The following EPB41L4A variants were observed in gnomAD, a reference collection of about 807,000 sequenced individuals.
The protein encoded by EPB41L4A is erythrocyte membrane protein band 4.1 like 4A, also known as band 4.1-like protein 4A.
Under a neutral mutation model 108.6 loss-of-function variants are expected in EPB41L4A, and 100 were observed. The observed-to-expected ratio is 0.92, with a 90% CI of 0.78 to 1.09. EPB41L4A has a LOEUF of 1.09. Among genes scored for constraint, EPB41L4A ranks in the 50% least tolerant of loss-of-function variants. The probability of loss-of-function intolerance (pLI) is 0.00; values close to 1 mark genes in which losing one functional copy is unlikely to be tolerated. For missense variants in EPB41L4A, 1,030 were observed against 842.7 expected (o/e 1.22, Z -2.75); for synonymous variants, 319 against 289.0 (o/e 1.10, Z -1.05).
chr5:112,353,251 G>A (rs60193147), intron 1 of EPB41L4A, among the ~76,000 whole-genome samples: 6,726 of 151,910 alleles, frequency 0.044, 393 homozygotes, highest in African/African-American at 0.13. Context: ...GAACCAAGCA[G>A]TGAACCAAGC....
rs903216424 is a variant in EPB41L4A at position 112,273,117 on chromosome 5, C to T, written c.335+2209G>A. Among the ~76,000 whole-genome samples, 18 of 152,278 alleles carry T rather than the reference C, an allele frequency of 1.2e-4. No individual in the cohort carries two copies. In the East Asian group the frequency reaches 3.1e-3, roughly 26 times the overall value. ...TCATGTGACTCCTCTTTTTCAGGTACATTAATGGTAATATATTCATGCAAA... is the reference window on the plus strand; with the variant it reads ...TCATGTGACTCCTCTTTTTCAGGTATATTAATGGTAATATATTCATGCAAA... On this transcript the variant is annotated intron_variant, in intron 4 of 22. Transcript: ENST00000261486.
chr5:112,382,719 A>G (rs1014316701), intron 1 of EPB41L4A, among the ~76,000 whole-genome samples: 1 of 152,130 alleles, frequency 6.6e-6, no homozygotes, highest in Admixed American at 6.5e-5. Context: ...AGGACTGCAG[A>G]AGGGGAATTA....
chr5:112,304,821 T>C (rs1423975386), intron 2 of EPB41L4A, among the ~76,000 whole-genome samples: 2 of 152,176 alleles, frequency 1.3e-5, no homozygotes, highest in Non-Finnish European at 2.9e-5. Context: ...GAAAAAGCAT[T>C]TTATTGTCAA....
At chr5:112,203,502 C>T (rs547596123) in intron 15 of EPB41L4A, among the ~76,000 whole-genome samples, 14 of 152,228 alleles carry the variant, frequency 9.2e-5, no homozygotes, top group Non-Finnish European at 1.9e-4. Context: ...ACATCTTCCT[C>T]TCTTGTACCT....
intron 18 of EPB41L4A, among the ~76,000 whole-genome samples, chr5:112,180,638 A>G (rs964147439): frequency 2.0e-5 from 3 of 147,782 alleles, no homozygotes; most frequent in African/African-American, 5.0e-5. Flanking sequence ...CCATGAGGTA[A>G]GCAAATACCC....
chr5:112,326,718 TTC>T (rs566493106), intron 1 of EPB41L4A, among the ~76,000 whole-genome samples: 4 of 152,200 alleles, frequency 2.6e-5, no homozygotes, highest in Non-Finnish European at 5.9e-5. Context: ...GCCCACTGTC[TTC>T]TGTTTTCATT....
chr5:112,341,753 A>C (rs896807178), intron 1 of EPB41L4A, among the ~76,000 whole-genome samples: 1 of 149,362 alleles, frequency 6.7e-6, no homozygotes, highest in African/African-American at 2.5e-5. Flanking sequence ...CACTATTTAA[A>C]ACACACACAC....
Position 112,419,117 on chromosome 5 carries a change from G to T in EPB41L4A, c.-78C>A. The T allele has an allele frequency of 9.1e-7, 1 of 1,099,198 alleles. No homozygotes were observed. Among genetic ancestry groups the T allele is most frequent in the Non-Finnish European group, 1.4e-6 (1 of 721,284 alleles). 68.1% of individuals were successfully genotyped at this position (1,099,198 alleles called of 1,614,324 possible). ...GCCGCCCCCTCCACTCAAGCGCGAT[G>T]CATTAATTTATTGTCCGCGCCGTGG... is the stretch of plus-strand genomic sequence containing the variant. On this transcript the variant is annotated 5_prime_UTR_variant, in exon 1 of 23. Coordinates refer to ENST00000261486, the MANE Select transcript of EPB41L4A (RefSeq NM_022140.5).
chr5:112,339,469 T>G (rs55910174), intron 1 of EPB41L4A, among the ~76,000 whole-genome samples: 6 of 58,648 alleles, frequency 1.0e-4, no homozygotes, highest in Middle Eastern at 9.6e-3. Flanking sequence ...TAGATATATA[T>G]ATATCTATAT....
chr5:112,282,214 T>C (rs191517943), intron 2 of EPB41L4A, among the ~76,000 whole-genome samples: 251 of 152,234 alleles, frequency 1.6e-3, no homozygotes, highest in Non-Finnish European at 2.7e-3. Flanking sequence ...TAGAGTAAAA[T>C]CAATCCAAAC....
intron 7 of EPB41L4A, among the ~76,000 whole-genome samples, chr5:112,260,338 C>T (rs7732679): frequency 0.66 from 99,850 of 152,030 alleles, 33,345 homozygotes; most frequent in African/African-American, 0.73. Flanking sequence ...TGCCTGGGCA[C>T]TACCAGAAAC....
At chr5:112,306,381 A>T (rs377475194) in intron 2 of EPB41L4A, among the ~76,000 whole-genome samples, 1 of 152,112 alleles carries the variant, frequency 6.6e-6, no homozygotes, top group Non-Finnish European at 1.5e-5. Flanking sequence ...AAGCTATCCA[A>T]CATACCCAAT....
exon 14 of EPB41L4A, chr5:112,143,507 A>C (rs1759139538): frequency 6.5e-6 from 1 of 154,318 alleles, no homozygotes; most frequent in African/African-American, 2.4e-5. Flanking sequence ...AAATCAACTT[A>C]AATTTTAAAA....
chr5:112,392,075 CACTAA>C lies in EPB41L4A; in HGVS notation c.99+26861_99+26865del, dbSNP rs1250131618. 2.6e-5 allele frequency among the ~76,000 whole-genome samples: 4 copies of C among 152,174 alleles called. No homozygotes were observed. The South Asian group carries it at 6.2e-4, about 24-fold the overall frequency. On this transcript the variant is annotated intron_variant, in intron 1 of 22. Coordinates refer to ENST00000261486, the MANE Select transcript of EPB41L4A (RefSeq NM_022140.5). ...GGCTTACAAGAGCTCCTGAAGGAAG[CACTAA>C]ACATGGAAAGGAACAACTGGTACCA...
intron 13 of EPB41L4A, chr5:112,143,949 T>A (rs1425472152): frequency 2.3e-6 from 1 of 437,720 alleles, no homozygotes; most frequent in African/African-American, 2.0e-5. Context: ...AAGCCTGGAA[T>A]AATAAATTAT....
intron 4 of EPB41L4A, among the ~76,000 whole-genome samples, chr5:112,271,802 T>C (rs893436311): frequency 2.0e-5 from 3 of 152,210 alleles, no homozygotes; most frequent in Admixed American, 1.3e-4. Flanking sequence ...TTATTTCTTA[T>C]TGAATTTCTT....
At chr5:112,233,209 A>G (rs1056710424) in intron 12 of EPB41L4A, among the ~76,000 whole-genome samples, 1 of 152,246 alleles carries the variant, frequency 6.6e-6, no homozygotes, top group African/African-American at 2.4e-5. Flanking sequence ...TGATCCATTC[A>G]TCTAATGTTA....
At chr5:112,155,574 C>G (rs572322279) in intron 12 of EPB41L4A, among the ~76,000 whole-genome samples, 44 of 152,094 alleles carry the variant, frequency 2.9e-4, no homozygotes, top group Non-Finnish European at 5.9e-4. Flanking sequence ...GAGTGACTTT[C>G]ATATTTCTTC....
intron 4 of EPB41L4A, among the ~76,000 whole-genome samples, chr5:112,269,013 CACAT>C (rs200405330): frequency 0.012 from 1,764 of 152,012 alleles, 19 homozygotes; most frequent in Non-Finnish European, 0.019. Flanking sequence ...TACAGACAAA[CACAT>C]ACAAAGAAAC....
Sources: allele counts gnomAD v4.1 joint callset (sites outside exome capture counted in the v4.1 genomes callset), GRCh38; gene constraint gnomAD v4.1.1; transcripts MANE v1.5; gene names NCBI Gene and HGNC (gene_info 2026-07-23, HGNC 2026-07-21).